DPY19L2: variants seen among roughly 807,000 people sequenced by gnomAD.
The protein encoded by DPY19L2 is probable C-mannosyltransferase DPY19L2.
In DPY19L2, 34 loss-of-function variants were observed where a neutral mutation model predicts 97.9. That is an observed-to-expected ratio of 0.35 (90% confidence interval 0.26 to 0.46). The LOEUF (loss-of-function observed/expected upper bound fraction) is 0.46. DPY19L2 is among the 20% of genes least tolerant of loss of function. The pLI, the probability that DPY19L2 is intolerant of heterozygous loss-of-function variation, is 1.00. For synonymous variants in DPY19L2, 230 were observed against 307.9 expected, an observed-to-expected ratio of 0.75 and a Z score of 2.65; for missense variants, 623 against 911.4, an observed-to-expected ratio of 0.68 and a Z score of 4.07.
intron 19 of DPY19L2, among the ~76,000 whole-genome samples, chr12:63,574,896 G>A (rs539055044): frequency 1.3e-5 from 2 of 152,044 alleles, no homozygotes; most frequent in South Asian, 2.1e-4. Context: ...GCAGTGGACA[G>A]GTCATCTAGA....
chr12:63,617,688 T>G (rs935881520), intron 10 of DPY19L2, among the ~76,000 whole-genome samples: 3 of 152,034 alleles, frequency 2.0e-5, no homozygotes, highest in African/African-American at 7.2e-5. Flanking sequence ...GACTTAGTTA[T>G]AAATACCAGT....
intron 19 of DPY19L2, among the ~76,000 whole-genome samples, chr12:63,574,599 CAAAG>C: frequency 6.6e-6 from 1 of 151,796 alleles, no homozygotes; most frequent in Non-Finnish European, 1.5e-5. Flanking sequence ...AGACTGAAAA[CAAAG>C]GGATGGAAAA....
chr12:63,575,469 G>C, intron 19 of DPY19L2, among the ~76,000 whole-genome samples: 1 of 151,662 alleles, frequency 6.6e-6, no homozygotes, highest in Non-Finnish European at 1.5e-5. Flanking sequence ...AAAGATCAGA[G>C]CAGAAATAAA....
At chr12:63,595,287 G>T (rs1592495390) in intron 15 of DPY19L2, among the ~76,000 whole-genome samples, 2 of 152,018 alleles carry the variant, frequency 1.3e-5, no homozygotes, top group South Asian at 4.1e-4. Flanking sequence ...AGACTTGATA[G>T]CTTGTAAATA....
intron 6 of DPY19L2, 62 bp downstream of exon 6, chr12:63,644,341 A>G (rs1398914462): frequency 9.1e-6 from 14 of 1,543,654 alleles, no homozygotes; most frequent in Non-Finnish European, 4.3e-6. Context: ...CATTTAATCA[A>G]CAAATATCAG....
At chr12:63,593,609 G>A (rs1278334131) in intron 16 of DPY19L2, among the ~76,000 whole-genome samples, 1 of 152,034 alleles carries the variant, frequency 6.6e-6, no homozygotes, top group Non-Finnish European at 1.5e-5. Flanking sequence ...ATGGACACAG[G>A]AAGGGGAACA....
At chr12:63,648,698 C>CT (rs964047663) in intron 4 of DPY19L2, among the ~76,000 whole-genome samples, 1 of 151,950 alleles carries the variant, frequency 6.6e-6, no homozygotes, top group African/African-American at 2.4e-5. Flanking sequence ...TGCCTTCCCC[C>CT]TTTTCCCCTT....
chr12:63,626,881 C>T (rs1421814628), intron 6 of DPY19L2, among the ~76,000 whole-genome samples: 1 of 152,082 alleles, frequency 6.6e-6, no homozygotes, highest in Non-Finnish European at 1.5e-5. Context: ...TGGGTTCCAA[C>T]GATTCTCCTG....
chr12:63,628,149 G>T (rs28369331), intron 6 of DPY19L2, among the ~76,000 whole-genome samples: 2 of 151,888 alleles, frequency 1.3e-5, no homozygotes, highest in Non-Finnish European at 2.9e-5. Context: ...GCGACACAGA[G>T]GACGGGTGAT....
At chr12:63,662,928 G>T (rs1276847946) in intron 3 of DPY19L2, among the ~76,000 whole-genome samples, 4 of 152,140 alleles carry the variant, frequency 2.6e-5, no homozygotes, top group Non-Finnish European at 4.4e-5. Flanking sequence ...GGTGTGATTA[G>T]TGTTTAGTGG....
rs534014046 is a variant in DPY19L2 at position 63,565,586 on chromosome 12, G to A, written c.2126+3638C>T. ...ACATTTGCAAATTTCCTTTTTCCAT[G>A]TGAGTAACGTAATTCACAATTTCTG... On this transcript the variant is annotated intron_variant, in intron 21 of 21. Coordinates refer to ENST00000324472, the MANE Select transcript of DPY19L2 (RefSeq NM_173812.5). Among the ~76,000 whole-genome samples the A allele has an allele frequency of 2.6e-5, 4 of 152,196 alleles. 1 individual carries two copies. In the South Asian group the frequency reaches 8.3e-4, roughly 32 times the overall value.
chr12:63,608,557 A>G (rs1345780709), intron 12 of DPY19L2, 59 bp downstream of exon 12: 20 of 1,445,702 alleles, frequency 1.4e-5, no homozygotes, highest in African/African-American at 2.8e-5. Context: ...AACTGTGTTC[A>G]GTTTATAGAA....
chr12:63,633,747 G>A (rs1416932291), intron 6 of DPY19L2, among the ~76,000 whole-genome samples: 3 of 152,038 alleles, frequency 2.0e-5, no homozygotes, highest in African/African-American at 4.8e-5. Flanking sequence ...TCATGCTGCT[G>A]TAAAGACACA....
In DPY19L2 at chr12:63,560,557, G is replaced by C. The variant is rs1158622904; in HGVS notation, c.2232C>G (p.Thr744=). 6.2e-7 allele frequency: 1 copy of C among 1,613,872 alleles called. No individual in the cohort carries two copies. ...VLLEDARPYF[T]TVFQNSVYRV... ...TGTACACACTATTCTGAAATACTGT[G>C]GTGAAGTAAGGCCTGGCGTCTTCGA... Residue 744 remains threonine, a synonymous_variant, in exon 22 of 22, where the codon ACC becomes ACG. Coordinates refer to ENST00000324472, the MANE Select transcript of DPY19L2 (RefSeq NM_173812.5).
intron 21 of DPY19L2, among the ~76,000 whole-genome samples, chr12:63,568,093 T>C (rs1878102992): frequency 6.6e-6 from 1 of 152,014 alleles, no homozygotes; most frequent in South Asian, 2.1e-4. Context: ...TTTTTTTCAT[T>C]ACATCTAATA....
At chr12:63,603,565 C>A (rs1353336621) in intron 12 of DPY19L2, among the ~76,000 whole-genome samples, 1 of 152,140 alleles carries the variant, frequency 6.6e-6, no homozygotes, top group East Asian at 1.9e-4. Context: ...TGTTCCCCTC[C>A]CTGGGTCCAT....
Position 63,654,587 on chromosome 12 carries a change from G to A in DPY19L2, c.588+6757C>T, listed in dbSNP as rs151259956. On this transcript the variant is annotated intron_variant, in intron 4 of 21. Transcript: ENST00000324472. ...TTATCCAACCGTTTACAAGGAACTC[G>A]CTTCAAATATAATAATAAAGTCAGG... is the stretch of plus-strand genomic sequence containing the variant. Among the ~76,000 whole-genome samples the A allele has an allele frequency of 1.8e-3, 269 of 152,112 alleles. 4 individuals are homozygous for A. The highest frequency in any genetic ancestry group is 6.1e-3 in the African/African-American group (254 of 41,500).
At chr12:63,568,431 C>A (rs1377230558) in intron 21 of DPY19L2, among the ~76,000 whole-genome samples, 1 of 152,054 alleles carries the variant, frequency 6.6e-6, no homozygotes, top group South Asian at 2.1e-4. Context: ...TTTTCTTAAG[C>A]CTTTGAATGT....
chr12:63,627,221 T>C (rs1377007563), intron 6 of DPY19L2, among the ~76,000 whole-genome samples: 1 of 152,234 alleles, frequency 6.6e-6, no homozygotes, highest in Non-Finnish European at 1.5e-5. Context: ...CAGTTTCATG[T>C]AGCATTAACT....
Sources: allele counts gnomAD v4.1 joint callset (sites outside exome capture counted in the v4.1 genomes callset), GRCh38; gene constraint gnomAD v4.1.1; transcripts MANE v1.5; gene names NCBI Gene and HGNC (gene_info 2026-07-23, HGNC 2026-07-21).